Variants in SMYD3 observed in about 807,000 individuals in gnomAD.
SMYD3 encodes SET and MYND domain containing 3, also known as histone-lysine N-methyltransferase SMYD3.
Under a neutral mutation model 57.7 loss-of-function variants are expected in SMYD3, and 36 were observed. That is an observed-to-expected ratio of 0.62 (90% CI 0.48 to 0.82). SMYD3 has a LOEUF of 0.82. SMYD3 is among the 40% of genes least tolerant of loss of function. The probability of loss-of-function intolerance (pLI) is 0.00; values close to 1 mark genes in which losing one functional copy is unlikely to be tolerated. For synonymous variants in SMYD3, 211 were observed against 195.0 expected (o/e 1.08, Z -0.68); for missense variants, 515 against 538.8 (o/e 0.96, Z 0.44).
chr1:246,409,175 G>A (rs1476958690), intron 1 of SMYD3, among the ~76,000 whole-genome samples: 3 of 152,150 alleles, frequency 2.0e-5, no homozygotes, highest in Middle Eastern at 3.2e-3. Flanking sequence ...AAGCTCTTTA[G>A]TTCAATTAGA....
intron 1 of SMYD3, among the ~76,000 whole-genome samples, chr1:246,434,058 C>T (rs994937641): frequency 3.3e-5 from 5 of 152,118 alleles, no homozygotes; most frequent in African/African-American, 1.2e-4. Context: ...CTGGGATAGG[C>T]TACCTATATG....
chr1:245,963,487 C>T (rs1358438083), intron 5 of SMYD3, among the ~76,000 whole-genome samples: 1 of 151,880 alleles, frequency 6.6e-6, no homozygotes, highest in African/African-American at 2.4e-5. Flanking sequence ...GTTTAAAACT[C>T]CAGAGGTGCC....
At chr1:246,382,140 C>T (rs890895516) in intron 1 of SMYD3, among the ~76,000 whole-genome samples, 2 of 150,820 alleles carry the variant, frequency 1.3e-5, no homozygotes, top group East Asian at 3.9e-4. Context: ...CCAGGCCAAC[C>T]GCAGGCTCCG....
chr1:246,092,020 T>A (rs529485845), intron 5 of SMYD3, among the ~76,000 whole-genome samples: 79 of 152,264 alleles, frequency 5.2e-4, no homozygotes, highest in Middle Eastern at 3.4e-3. Context: ...AATTTTTTTT[T>A]AAAAAGTATA....
intron 5 of SMYD3, among the ~76,000 whole-genome samples, chr1:246,066,328 G>A (rs544546021): frequency 3.3e-5 from 5 of 152,296 alleles, no homozygotes; most frequent in South Asian, 2.1e-4. Flanking sequence ...GATTGGCAAC[G>A]AGCTTCTCAA....
chr1:246,435,326 AT>A (rs560419693), intron 1 of SMYD3, among the ~76,000 whole-genome samples: 3,469 of 151,626 alleles, frequency 0.023, 91 homozygotes, highest in African/African-American at 0.063. Flanking sequence ...AGTTGAAATT[AT>A]TTTTTTTTAA....
At chr1:246,232,892 C>T (rs1396820445) in intron 5 of SMYD3, among the ~76,000 whole-genome samples, 2 of 133,062 alleles carry the variant, frequency 1.5e-5, no homozygotes, top group African/African-American at 5.6e-5. Context: ...ATATACCACA[C>T]AGAGGAGAAG....
At chr1:246,401,415 A>G (rs1246012707) in intron 1 of SMYD3, among the ~76,000 whole-genome samples, 5 of 151,890 alleles carry the variant, frequency 3.3e-5, no homozygotes, top group Non-Finnish European at 5.9e-5. Flanking sequence ...CTCACTGCAA[A>G]CTCTGCCCCT....
At chr1:246,000,641 C>A (rs2059022359) in intron 5 of SMYD3, among the ~76,000 whole-genome samples, 2 of 152,188 alleles carry the variant, frequency 1.3e-5, no homozygotes, top group African/African-American at 4.8e-5. Flanking sequence ...TCAATGATGA[C>A]CTTTTATTTT....
At chr1:246,002,866 C>T (rs1200546981) in intron 5 of SMYD3, among the ~76,000 whole-genome samples, 1 of 152,200 alleles carries the variant, frequency 6.6e-6, no homozygotes, top group Non-Finnish European at 1.5e-5. Context: ...CCTTCCACCT[C>T]CCTCTCCCAA....
At chr1:246,354,110 T>A (rs942044274) in intron 2 of SMYD3, among the ~76,000 whole-genome samples, 3 of 152,118 alleles carry the variant, frequency 2.0e-5, no homozygotes, top group Non-Finnish European at 4.4e-5. Flanking sequence ...TGTGTGCATA[T>A]ACAAAACATA....
intron 5 of SMYD3, among the ~76,000 whole-genome samples, chr1:246,273,161 T>TTTTTG (rs2064258201): frequency 1.5e-5 from 2 of 131,128 alleles, no homozygotes; most frequent in East Asian, 2.3e-4. Context: ...TTCTTTTTTT[T>TTTTTG]GGGGGGGGGA....
chr1:245,759,465 TA>T (rs1222014022), intron 11 of SMYD3, among the ~76,000 whole-genome samples: 1 of 152,224 alleles, frequency 6.6e-6, no homozygotes, highest in East Asian at 1.9e-4. Context: ...TGTGTATATT[TA>T]ACTTTTCTCT....
chr1:246,304,327 T>C (rs368078035), intron 5 of SMYD3, among the ~76,000 whole-genome samples: 4 of 152,150 alleles, frequency 2.6e-5, no homozygotes, highest in East Asian at 1.9e-4. Flanking sequence ...GTCATTCCCA[T>C]GGACATAGCC....
intron 5 of SMYD3, among the ~76,000 whole-genome samples, chr1:246,218,305 G>C (rs1473911458): frequency 1.3e-5 from 2 of 152,106 alleles, no homozygotes; most frequent in Non-Finnish European, 1.5e-5. Context: ...AGATAAGAGA[G>C]AGAAGCAGTT....
intron 10 of SMYD3, among the ~76,000 whole-genome samples, chr1:245,824,591 C>T (rs979760250): frequency 1.3e-5 from 2 of 152,160 alleles, no homozygotes; most frequent in Non-Finnish European, 2.9e-5. Flanking sequence ...CACGTTGGCT[C>T]ACGCCTGTAA....
At chr1:245,840,411 A>T (rs2050339889) in intron 10 of SMYD3, among the ~76,000 whole-genome samples, 1 of 152,206 alleles carries the variant, frequency 6.6e-6, no homozygotes, top group South Asian at 2.1e-4. Flanking sequence ...ATTATTTTGA[A>T]TGGAGAATTT....
At chr1:246,193,742 A>G (rs529783926) in intron 5 of SMYD3, 1 of 122,544 alleles carries the variant, frequency 8.2e-6, no homozygotes, top group Non-Finnish European at 2.0e-5. Context: ...GCACAACAGC[A>G]CACTTCCTGT....
intron 8 of SMYD3, among the ~76,000 whole-genome samples, chr1:245,867,265 T>C (rs1317143929): frequency 1.3e-5 from 2 of 152,228 alleles, no homozygotes; most frequent in Non-Finnish European, 2.9e-5. Context: ...CCCTGGAGTT[T>C]CCAGAAAGGA....
Sources: gnomAD v4.1 joint callset for allele counts (sites outside exome capture counted in the v4.1 genomes callset) on GRCh38, gnomAD v4.1.1 for gene constraint, MANE v1.5 for transcripts, NCBI Gene and HGNC (gene_info 2026-07-23, HGNC 2026-07-21) for gene names.